Variants in DOCK10 observed in about 807,000 individuals in gnomAD.
DOCK10 encodes the protein dedicator of cytokinesis protein 10.
Under a neutral mutation model 280.1 loss-of-function variants are expected in DOCK10, and 145 were observed. The ratio of observed to expected loss-of-function variants is 0.52; its 90% CI spans 0.45 to 0.59. The LOEUF is 0.59. DOCK10 is among the 20% of genes least tolerant of loss of function. The pLI, the probability that DOCK10 is intolerant of heterozygous loss-of-function variation, is 0.00. For synonymous variants in DOCK10, 915 were observed against 942.2 expected, an observed-to-expected ratio of 0.97 and a Z score of 0.53; for missense variants, 2,368 against 2,651.7, an observed-to-expected ratio of 0.89 and a Z score of 2.35.
chr2:224,925,486 C>G (rs1176232066), intron 2 of DOCK10, among the ~76,000 whole-genome samples: 2 of 152,204 alleles, frequency 1.3e-5, no homozygotes, highest in African/African-American at 2.4e-5. Flanking sequence ...TCTTAGGTGA[C>G]TGTAGTCATG....
At chr2:224,961,035 G>C (rs1016791585) in intron 1 of DOCK10, among the ~76,000 whole-genome samples, 1 of 152,156 alleles carries the variant, frequency 6.6e-6, no homozygotes. Context: ...ACCGCGCCCG[G>C]CCCCCATCAC....
chr2:224,927,016 T>A (rs951426131), intron 2 of DOCK10, among the ~76,000 whole-genome samples: 2 of 152,024 alleles, frequency 1.3e-5, no homozygotes, highest in Admixed American at 6.6e-5. Context: ...CCAGTGGTGA[T>A]AAGTGTTATC....
intron 1 of DOCK10, among the ~76,000 whole-genome samples, chr2:225,027,202 A>G (rs1689942960): frequency 6.6e-6 from 1 of 152,168 alleles, no homozygotes; most frequent in African/African-American, 2.4e-5. Context: ...AGCCCTACAC[A>G]GACCTCGCCT....
Position 224,808,001 on chromosome 2 carries a change from C to T in DOCK10, c.3495G>A (p.Leu1165=), listed in dbSNP as rs1693513867. The change falls in exon 32 of 56, where the codon CTG becomes CTA. Residue 1165 remains leucine (L), a synonymous_variant. Coordinates refer to ENST00000258390, the MANE Select transcript of DOCK10 (RefSeq NM_014689.3). ...GILLREVGFA[L]QEDQDVRHLA... ...AGTGTCTGACATCTTGGTCTTCCTG[C>T]AGGGCAAAGCCAACTTCTCGGAGCA... is the stretch of plus-strand genomic sequence containing the variant. 6.2e-7 allele frequency: 1 copy of T among 1,612,810 alleles called. No homozygotes were observed. Among genetic ancestry groups the T allele is most frequent in the Non-Finnish European group, 8.5e-7 (1 of 1,179,350 alleles).
At chr2:224,812,769 G>A (rs1438082526) in intron 31 of DOCK10, among the ~76,000 whole-genome samples, 1 of 152,168 alleles carries the variant, frequency 6.6e-6, no homozygotes, top group Non-Finnish European at 1.5e-5. Flanking sequence ...CTTTGGTTCT[G>A]TTTATATGCT....
At chr2:224,814,989 C>G (rs1694031640) in intron 30 of DOCK10, among the ~76,000 whole-genome samples, 1 of 152,162 alleles carries the variant, frequency 6.6e-6, no homozygotes, top group Admixed American at 6.5e-5. Flanking sequence ...TTTCTCTGAG[C>G]TACTGACTAA....
At chr2:224,886,918 C>T (rs1699334754) in intron 4 of DOCK10, among the ~76,000 whole-genome samples, 1 of 146,022 alleles carries the variant, frequency 6.8e-6, no homozygotes, top group Non-Finnish European at 1.5e-5. Context: ...GGATTACAGG[C>T]ATGTACCACC....
chr2:225,001,376 G>A (rs1041935869), intron 1 of DOCK10, among the ~76,000 whole-genome samples: 18 of 145,326 alleles, frequency 1.2e-4, no homozygotes, highest in African/African-American at 4.0e-4. Flanking sequence ...TGCAAGCTCC[G>A]CCTCCCGGGT....
intron 6 of DOCK10, 88 bp downstream of exon 6, chr2:224,885,975 T>G (rs1699253812): frequency 6.4e-7 from 1 of 1,560,884 alleles, no homozygotes; most frequent in African/African-American, 1.4e-5. Flanking sequence ...ATAAACTCAA[T>G]GCAAATGGCT....
intron 16 of DOCK10, among the ~76,000 whole-genome samples, chr2:224,854,523 T>A (rs1224606755): frequency 6.6e-6 from 1 of 152,154 alleles, no homozygotes; most frequent in African/African-American, 2.4e-5. Context: ...AGAACTAGCC[T>A]CTATTTTGAG....
intron 1 of DOCK10, among the ~76,000 whole-genome samples, chr2:225,000,821 C>G (rs1706411175): frequency 6.6e-6 from 1 of 152,084 alleles, no homozygotes; most frequent in Non-Finnish European, 1.5e-5. Context: ...ACTAAAAATA[C>G]AAAAATTAGC....
intron 14 of DOCK10, chr2:224,861,798 A>C (rs549520372): frequency 6.6e-6 from 1 of 152,314 alleles, no homozygotes; most frequent in African/African-American, 2.4e-5. Flanking sequence ...GAGCTTCACC[A>C]TGTTGGCCAA....
intron 3 of DOCK10, among the ~76,000 whole-genome samples, chr2:224,912,968 G>A (rs1701117141): frequency 6.6e-6 from 1 of 152,164 alleles, no homozygotes; most frequent in South Asian, 2.1e-4. Context: ...GGGGGTTGCA[G>A]TGAGCAGAGA....
chr2:224,813,379 A>T (rs927413389), intron 31 of DOCK10, among the ~76,000 whole-genome samples: 1 of 152,114 alleles, frequency 6.6e-6, no homozygotes, highest in African/African-American at 2.4e-5. Flanking sequence ...TATTTTTAGT[A>T]GAGATGGGGT....
At chr2:224,913,170 C>T (rs72972690) in intron 3 of DOCK10, among the ~76,000 whole-genome samples, 4,199 of 151,972 alleles carry the variant, frequency 0.028, 86 homozygotes, top group Middle Eastern at 0.058. Context: ...TCAAAATTTC[C>T]AATGCAGCAT....
At chr2:224,930,783 A>C (rs1214124726) in intron 2 of DOCK10, among the ~76,000 whole-genome samples, 2 of 152,148 alleles carry the variant, frequency 1.3e-5, no homozygotes, top group Non-Finnish European at 2.9e-5. Context: ...GTCTGAGACC[A>C]CCTTTCTTTT....
At chr2:224,962,427 G>T (rs965533097) in intron 1 of DOCK10, among the ~76,000 whole-genome samples, 1 of 152,132 alleles carries the variant, frequency 6.6e-6, no homozygotes, top group African/African-American at 2.4e-5. Flanking sequence ...GGAAAATATG[G>T]AACATGAGAG....
intron 7 of DOCK10, among the ~76,000 whole-genome samples, chr2:224,883,344 G>A (rs928642273): frequency 2.6e-5 from 4 of 151,120 alleles, no homozygotes; most frequent in African/African-American, 9.9e-5. Flanking sequence ...GCACTAAGTG[G>A]GTTTGTTGAA....
intron 51 of DOCK10, 120 bp from the exon 52 acceptor site, chr2:224,775,235 T>C (rs1690754186): frequency 3.5e-6 from 3 of 861,434 alleles, no homozygotes; most frequent in South Asian, 1.6e-5. Flanking sequence ...TGGAGAAAAA[T>C]GGGCAGTCAC....
Sources: gnomAD v4.1 joint callset for allele counts (sites outside exome capture counted in the v4.1 genomes callset) on GRCh38, gnomAD v4.1.1 for gene constraint, MANE v1.5 for transcripts, NCBI Gene and HGNC (gene_info 2026-07-23, HGNC 2026-07-21) for gene names.